DOC2B: variants seen among roughly 807,000 people sequenced by gnomAD.
DOC2B encodes the protein double C2 domain beta.
DOC2B carries 21 observed loss-of-function variants against 28.9 expected under a neutral mutation model. The observed-to-expected ratio is 0.73, with a 90% confidence interval of 0.52 to 1.05. The LOEUF is 1.05. Ranked by LOEUF, DOC2B falls within the 50% of genes least tolerant of loss-of-function variation. The probability of loss-of-function intolerance (pLI) is 0.00; values close to 1 mark genes in which losing one functional copy is unlikely to be tolerated. For synonymous variants in DOC2B, 194 were observed against 178.1 expected (o/e 1.09, Z -0.71); for missense variants, 384 against 421.1 (o/e 0.91, Z 0.77).
At chr17:149,981 G>A (rs1042205939) in intron 6 of DOC2B, among the ~76,000 whole-genome samples, 19 of 152,234 alleles carry the variant, frequency 1.2e-4, no homozygotes, top group African/African-American at 4.3e-4. Context: ...GCAGTCACAC[G>A]GAGGCCACCT....
rs1445773425 is a variant in DOC2B at position 149,116 on chromosome 17, TA to T, written c.999del (p.Phe333LeufsTer49). On this transcript the variant is annotated frameshift_variant, in exon 7 of 9. Coordinates refer to ENST00000613549, the MANE Select transcript of DOC2B (RefSeq NM_003585.5). LOFTEE classifies it high-confidence loss of function. ...AVKKKTLNPE[F>X]NEEFCYEIKH... is the part of the protein sequence containing the mutation. ...GCTTCACCAGCCCCTCATACCTCAT[TA>T]AACTCCGGGTTCAGGGTTTTTTTCT... is the stretch of plus-strand genomic sequence containing the variant. 2.5e-6 allele frequency: 1 copy of T among 399,442 alleles called. No homozygotes were observed. The highest frequency in any genetic ancestry group is 4.4e-6 in the Non-Finnish European group (1 of 226,238). The allele number at this position is 399,442 out of a possible 1,614,324, so 24.7% of individuals were successfully genotyped here.
intron 1 of DOC2B, among the ~76,000 whole-genome samples, chr17:175,182 G>A (rs559815143): frequency 2.8e-4 from 42 of 152,348 alleles, no homozygotes; most frequent in African/African-American, 1.0e-3. Context: ...AGGCTACAGT[G>A]AGTGTGATTG....
intron 6 of DOC2B, among the ~76,000 whole-genome samples, chr17:151,763 TG>T (rs2151459140): frequency 6.6e-6 from 1 of 152,222 alleles, no homozygotes; most frequent in Admixed American, 6.5e-5. Context: ...GAAGGAAAGT[TG>T]TTTTGGGATC....
At chr17:148,672 G>A (rs1228089505) in intron 7 of DOC2B, among the ~76,000 whole-genome samples, 1 of 152,140 alleles carries the variant, frequency 6.6e-6, no homozygotes, top group East Asian at 1.9e-4. Flanking sequence ...GCCTGCCTCT[G>A]GATCACTGGT....
chr17:174,369 C>T (rs760304199), intron 1 of DOC2B, among the ~76,000 whole-genome samples: 10 of 152,172 alleles, frequency 6.6e-5, no homozygotes, highest in African/African-American at 1.7e-4. Context: ...AGTGTGCCTG[C>T]GGTGTAGGAG....
At chr17:179,138 C>G (rs899664032) in intron 1 of DOC2B, among the ~76,000 whole-genome samples, 1 of 152,256 alleles carries the variant, frequency 6.6e-6, no homozygotes, top group Non-Finnish European at 1.5e-5. Flanking sequence ...CCGTCTTCAG[C>G]ATTTCTTTGG....
At chr17:160,348 C>T (rs1555523065) in intron 5 of DOC2B, among the ~76,000 whole-genome samples, 1 of 152,160 alleles carries the variant, frequency 6.6e-6, no homozygotes, top group African/African-American at 2.4e-5. Context: ...ACACAAATGT[C>T]TGAGGGGGAG....
At chr17:172,709 G>A (rs2040326591) in intron 1 of DOC2B, 93 bp from the exon 2 acceptor site, 4 of 1,054,558 alleles carry the variant, frequency 3.8e-6, no homozygotes, top group Admixed American at 2.6e-5. Flanking sequence ...GGCCTGGGCA[G>A]GTGCCACCGT....
At chr17:178,407 T>G (rs1265459212) in intron 1 of DOC2B, among the ~76,000 whole-genome samples, 1 of 152,222 alleles carries the variant, frequency 6.6e-6, no homozygotes, top group Non-Finnish European at 1.5e-5. Flanking sequence ...TTGCAACCCA[T>G]GGCACTCTAG....
At chr17:161,625 T>C in intron 4 of DOC2B, 84 bp from the exon 5 acceptor site, 2 of 1,527,860 alleles carry the variant, frequency 1.3e-6, no homozygotes, top group Non-Finnish European at 8.8e-7. Flanking sequence ...GGGCCAGCCC[T>C]GGCTTCTCCT....
intron 2 of DOC2B, among the ~76,000 whole-genome samples, chr17:169,808 C>T (rs2040291243): frequency 6.6e-6 from 1 of 152,104 alleles, no homozygotes; most frequent in Admixed American, 6.5e-5. Context: ...CCCAGAGCCC[C>T]AGCTCTTCCC....
intron 3 of DOC2B, 91 bp from the exon 4 acceptor site, chr17:162,281 C>G: frequency 1.1e-6 from 1 of 946,734 alleles, no homozygotes; most frequent in East Asian, 2.6e-5. Flanking sequence ...CATCTTGGAG[C>G]CTGTGAATGT....
chr17:172,470 C>T (rs2040323473), intron 2 of DOC2B, 67 bp downstream of exon 2: 9 of 1,370,558 alleles, frequency 6.6e-6, no homozygotes, highest in Middle Eastern at 1.9e-4. Flanking sequence ...GTGGTCTGGC[C>T]TCCCTGACCT....
chr17:159,942 T>A (rs1221875373), intron 5 of DOC2B, among the ~76,000 whole-genome samples: 1 of 150,792 alleles, frequency 6.6e-6, no homozygotes, highest in Non-Finnish European at 1.5e-5. Context: ...ATGCCAGTGA[T>A]GAAAACTCAG....
rs769487824 is a variant in DOC2B at position 181,345 on chromosome 17, G to A, written c.135C>T (p.Pro45=). 4 of 1,132,734 alleles carry A rather than the reference G, an allele frequency of 3.5e-6. 1 individual carries two copies. The South Asian group carries it at 1.2e-4, about 33-fold the overall frequency. The allele number at this position is 1,132,734 out of a possible 1,614,324, so 70.2% of individuals were successfully genotyped here. A position where few individuals can be genotyped will look rare whatever the true frequency, so the allele number is the denominator to read the frequency against. The change falls in exon 1 of 9, where the codon CCC becomes CCT. Residue 45 remains proline (P), a synonymous_variant. Coordinates refer to ENST00000613549, the MANE Select transcript of DOC2B (RefSeq NM_003585.5). This position sits in a 1 kb window ranked among gnomAD's most constrained non-coding sequence, Gnocchi z 7.0. The part of the protein sequence containing the change: ...DYFPRFPRGL[P]PDAGPRAAAP... ...CAGCGGCTCGGGGCCCGGCGTCCGG[G>A]GGCAGGCCCCGCGGGAAGCGGGGGA...
At position 144,941 on chromosome 17, in the gene DOC2B, C is replaced by A. The variant is rs1242789282; in HGVS notation, c.*2500G>T. 1.3e-5 allele frequency: 2 copies of A among 152,202 alleles called. No homozygotes were observed. 9.4% of individuals were successfully genotyped at this position (152,202 alleles called of 1,614,324 possible). The stretch of plus-strand genomic sequence containing the variant: ...GTCTTCAGAGAGGCTGTCAAATCTC[C>A]TCTCTGAATGAGACCCCCAAAAAAG... On this transcript the variant is annotated 3_prime_UTR_variant, in exon 9 of 9. Coordinates refer to ENST00000613549, the MANE Select transcript of DOC2B (RefSeq NM_003585.5).
chr17:162,136 C>G lies in DOC2B; in HGVS notation c.583G>C (p.Glu195Gln), dbSNP rs2040212541. The G allele has an allele frequency of 6.4e-7, 1 of 1,551,754 alleles. No homozygotes were observed. The highest frequency in any genetic ancestry group is 2.4e-5 in the East Asian group (1 of 40,916). Residue 195 changes from glutamate (E) to glutamine (Q), a missense_variant, in exon 4 of 9, where the codon GAG becomes CAG. Coordinates refer to ENST00000613549, the MANE Select transcript of DOC2B (RefSeq NM_003585.5). Reference protein sequence around the residue: ...LRNTLNPTWNETLTYYGITDE... With the variant: ...LRNTLNPTWNQTLTYYGITDE... ...GTGATCCCGTAGTAAGTGAGGGTCT[C>G]GTTCCATGTGGGGTTCAGAGTGTTA...
chr17:157,954 G>A (rs895724741), intron 5 of DOC2B, among the ~76,000 whole-genome samples: 32 of 152,210 alleles, frequency 2.1e-4, no homozygotes, highest in Admixed American at 1.6e-3. Context: ...AAGGGTCACC[G>A]TGGCCCCAGT....
intron 6 of DOC2B, 32 bp downstream of exon 6, chr17:156,188 G>A (rs756752930): frequency 1.6e-5 from 24 of 1,523,982 alleles, no homozygotes; most frequent in Admixed American, 1.0e-4. Context: ...AGGTGAAGAC[G>A]TGGCAGGTGG....
Sources: gnomAD v4.1 joint callset for allele counts (sites outside exome capture counted in the v4.1 genomes callset) on GRCh38, gnomAD v4.1.1 for gene constraint, Gnocchi (gnomAD v3.1) non-coding constraint, MANE v1.5 for transcripts, NCBI Gene and HGNC (gene_info 2026-07-23, HGNC 2026-07-21) for gene names.